The following GLYR1 variants were observed in gnomAD, a reference collection of about 807,000 sequenced individuals.
GLYR1 encodes glyoxylate reductase 1 homolog, also known as cytokine-like nuclear factor N-PAC.
Under a neutral mutation model 72.7 loss-of-function variants are expected in GLYR1, and 21 were observed. The observed-to-expected ratio is 0.29, with a 90% CI of 0.20 to 0.42. The LOEUF is 0.42. Ranked by LOEUF, GLYR1 falls within the 10% of genes least tolerant of loss-of-function variation. The pLI is 1.00. For missense variants in GLYR1, 594 were observed against 712.1 expected (o/e 0.83, Z 1.89); for synonymous variants, 392 against 270.2 (o/e 1.45, Z -4.42).
chr16:4,833,107 C>T, intron 3 of GLYR1, 195 bp from the exon 4 acceptor site: 3 of 450,090 alleles, frequency 6.7e-6, no homozygotes, highest in Non-Finnish European at 1.2e-5. Context: ...TGAAACAAGT[C>T]AAGCAGAACA....
intron 15 of GLYR1, among the ~76,000 whole-genome samples, chr16:4,810,841 A>AT (rs2083287752): frequency 6.6e-6 from 1 of 151,704 alleles, no homozygotes; most frequent in Non-Finnish European, 1.5e-5. Context: ...GTGGTAGCTC[A>AT]TGCCTGTAAT....
intron 15 of GLYR1, among the ~76,000 whole-genome samples, chr16:4,807,265 C>G (rs1596297998): frequency 6.6e-6 from 1 of 152,062 alleles, no homozygotes; most frequent in South Asian, 2.1e-4. Context: ...GTGCCCGCCA[C>G]TATGCCCGGC....
chr16:4,828,676 G>C (rs746485227), intron 5 of GLYR1, among the ~76,000 whole-genome samples: 1 of 152,026 alleles, frequency 6.6e-6, no homozygotes, highest in African/African-American at 2.4e-5. Context: ...CTGATCAAAT[G>C]CCTTGTACAC....
In GLYR1 at chr16:4,804,121, GA is replaced by G. The variant is rs1421773138; in HGVS notation, c.*1114del. The stretch of plus-strand genomic sequence containing the variant: ...TTTCCGTATCAAGAGCTGAGCCTAA[GA>G]AATGCTCATCGTTGGTCAGGCTGGG... On this transcript the variant is annotated 3_prime_UTR_variant, in exon 16 of 16. Coordinates refer to ENST00000321919, the MANE Select transcript of GLYR1 (RefSeq NM_032569.4). 2.0e-5 allele frequency: 3 copies of G among 152,284 alleles called. No individual in the cohort carries two copies. The highest frequency in any genetic ancestry group is 4.4e-5 in the Non-Finnish European group (3 of 68,084). The allele number at this position is 152,284 out of a possible 1,614,324, so 9.4% of individuals were successfully genotyped here. A position where few individuals can be genotyped will look rare whatever the true frequency, so the allele number is the denominator to read the frequency against.
intron 3 of GLYR1, among the ~76,000 whole-genome samples, chr16:4,837,555 C>T (rs370871142): frequency 1.4e-4 from 22 of 151,772 alleles, no homozygotes; most frequent in African/African-American, 5.1e-4. Flanking sequence ...GGGGTGAAGC[C>T]GTGAAGCTAA....
At chr16:4,812,001 G>A (rs2083346447) in intron 13 of GLYR1, 85 bp downstream of exon 13, 3 of 1,513,554 alleles carry the variant, frequency 2.0e-6, no homozygotes, top group African/African-American at 1.4e-5. Flanking sequence ...CGGCAGAAAG[G>A]CCGTGTGGGA....
intron 3 of GLYR1, among the ~76,000 whole-genome samples, chr16:4,838,399 T>G (rs1047537303): frequency 1.3e-5 from 2 of 151,750 alleles, no homozygotes; most frequent in East Asian, 1.9e-4. Context: ...CCCTGTGCAC[T>G]TCCTGAAAGG....
intron 3 of GLYR1, among the ~76,000 whole-genome samples, chr16:4,838,933 C>A (rs11076853): frequency 2.0e-5 from 3 of 152,248 alleles, no homozygotes; most frequent in African/African-American, 7.2e-5. Context: ...GTCACCCAGG[C>A]TGGAATACAG....
chr16:4,840,124 C>T (rs2085440024), intron 3 of GLYR1: 1 of 152,402 alleles, frequency 6.6e-6, no homozygotes, highest in African/African-American at 2.4e-5. Context: ...CCTTGCAATA[C>T]CTGTTTACAC....
intron 9 of GLYR1, among the ~76,000 whole-genome samples, chr16:4,818,143 C>CG (rs1224483016): frequency 1.3e-5 from 2 of 152,062 alleles, no homozygotes; most frequent in African/African-American, 4.8e-5. Flanking sequence ...TACAGGCGCA[C>CG]GCCACCATGC....
chr16:4,816,947 AT>A (rs35180458), intron 10 of GLYR1, among the ~76,000 whole-genome samples: 53,690 of 138,998 alleles, frequency 0.39, 10,126 homozygotes, highest in Admixed American at 0.49. Context: ...AGATTGTGCC[AT>A]TTTTTTTTTT....
chr16:4,831,012 G>A (rs1028059539), intron 5 of GLYR1, among the ~76,000 whole-genome samples: 19 of 152,158 alleles, frequency 1.2e-4, no homozygotes, highest in African/African-American at 4.3e-4. Context: ...CTTGCCTCAA[G>A]TTCTTGACAT....
chr16:4,838,230 A>C (rs1406551239), intron 3 of GLYR1, among the ~76,000 whole-genome samples: 1 of 152,180 alleles, frequency 6.6e-6, no homozygotes. Context: ...CTATGCTTCT[A>C]ATTATTAACC....
chr16:4,817,819 A>T, intron 9 of GLYR1, 122 bp from the exon 10 acceptor site: 1 of 688,656 alleles, frequency 1.5e-6, no homozygotes, highest in East Asian at 2.5e-5. Context: ...AGACTGCCAG[A>T]AACAGCAGTG....
At chr16:4,806,320 G>A (rs1276538835) in intron 15 of GLYR1, among the ~76,000 whole-genome samples, 2 of 152,088 alleles carry the variant, frequency 1.3e-5, no homozygotes, top group Admixed American at 6.6e-5. Flanking sequence ...TGGTTGCAAA[G>A]TTTTTACATT....
At position 4,814,523 on chromosome 16, in the gene GLYR1, G is replaced by C; in HGVS notation, c.1017+14C>G. ...GTGACCCGGAGTTGCTGAGGGGAGGGAGGGGGTCCTTACGTCCTTGGCCGC... is the reference window on the plus strand; with the variant it reads ...GTGACCCGGAGTTGCTGAGGGGAGGCAGGGGGTCCTTACGTCCTTGGCCGC... On this transcript the variant is annotated intron_variant, in intron 11 of 15. Coordinates refer to ENST00000321919, the MANE Select transcript of GLYR1 (RefSeq NM_032569.4). The C allele has an allele frequency of 6.2e-7, 1 of 1,604,842 alleles. No individual in the cohort carries two copies. The highest frequency in any genetic ancestry group is 8.5e-7 in the Non-Finnish European group (1 of 1,172,678).
rs2082857897 is a variant in GLYR1, at chr16:4,804,475, T to G, written c.*761A>C. On this transcript the variant is annotated 3_prime_UTR_variant, in exon 16 of 16. Transcript: ENST00000321919. The stretch of plus-strand genomic sequence containing the variant: ...GCGAGCGCCCGCTGTGGCAGTGGCA[T>G]CTGGGGCATGGCTTCGAGGCGGTGA... 1 of 152,964 alleles carries G rather than the reference T, an allele frequency of 6.5e-6. No individual in the cohort carries two copies. The highest frequency in any genetic ancestry group is 2.1e-4 in the South Asian group (1 of 4,842). The allele number at this position is 152,964 out of a possible 1,614,324, so 9.5% of individuals were successfully genotyped here.
At chr16:4,823,970 G>T in intron 5 of GLYR1, 63 bp from the exon 6 acceptor site, 1 of 1,333,152 alleles carries the variant, frequency 7.5e-7, no homozygotes, top group Non-Finnish European at 1.1e-6. Context: ...CCCCTTGCAA[G>T]CTCCACAGTC....
chr16:4,811,042 T>C lies in GLYR1; in HGVS notation c.1587+128A>G, dbSNP rs573027375. 2.3e-5 allele frequency: 26 copies of C among 1,143,882 alleles called. No individual in the cohort carries two copies. The Admixed American group carries it at 5.3e-4, about 23-fold the overall frequency. 70.9% of individuals were successfully genotyped at this position (1,143,882 alleles called of 1,614,324 possible). On this transcript the variant is annotated intron_variant, in intron 15 of 15. Transcript: ENST00000321919. Reference sequence around the variant, plus strand: ...ATTGCTTGAAACCAGGAGGCGGAGGTTGCATTGAGCTGAGATCGCACCAGT... The same window carrying C: ...ATTGCTTGAAACCAGGAGGCGGAGGCTGCATTGAGCTGAGATCGCACCAGT...
Sources: allele counts gnomAD v4.1 joint callset (sites outside exome capture counted in the v4.1 genomes callset), GRCh38; gene constraint gnomAD v4.1.1; transcripts MANE v1.5; gene names NCBI Gene and HGNC (gene_info 2026-07-23, HGNC 2026-07-21).